PALM2AKAP2: variants seen among roughly 807,000 people sequenced by gnomAD.
PALM2AKAP2 encodes PALM2 and AKAP2 fusion.
A neutral mutation model predicts 71.5 loss-of-function variants in PALM2AKAP2; 37 were observed. The ratio of observed to expected loss-of-function variants is 0.52; its 90% CI spans 0.40 to 0.68. The LOEUF is 0.68. Among genes scored for constraint, PALM2AKAP2 ranks in the 30% least tolerant of loss-of-function variants. The pLI is 0.00. For synonymous variants in PALM2AKAP2, 468 were observed against 478.8 expected, an observed-to-expected ratio of 0.98 and a Z score of 0.29; for missense variants, 1,224 against 1,191.8, an observed-to-expected ratio of 1.03 and a Z score of -0.40.
intron 1 of PALM2AKAP2, among the ~76,000 whole-genome samples, chr9:109,864,353 C>T (rs897475647): frequency 1.3e-5 from 2 of 152,190 alleles, no homozygotes; most frequent in Non-Finnish European, 2.9e-5. Context: ...TCTTCTGGTC[C>T]GTGTGACTAA....
At chr9:110,005,678 T>C (rs193060038) in intron 6 of PALM2AKAP2, among the ~76,000 whole-genome samples, 245 of 152,318 alleles carry the variant, frequency 1.6e-3, no homozygotes, top group African/African-American at 5.5e-3. Context: ...CTCCACCCAG[T>C]TCAAGCTTCC....
rs970810402 is a variant in PALM2AKAP2 at position 109,908,143 on chromosome 9, G to A, written c.258-15592G>A. Among the ~76,000 whole-genome samples the A allele has an allele frequency of 2.6e-5, 4 of 152,182 alleles. No homozygotes were observed. The South Asian group carries it at 6.2e-4, about 24-fold the overall frequency. On this transcript the variant is annotated intron_variant, in intron 3 of 9. Coordinates refer to the PALM2AKAP2 transcript ENST00000302798. ...CACTGTGGATGCCATAGCAATACAT[G>A]CTGTTTCTGCTTTCATAGAGCAGTG...
chr9:109,829,708 C>T (rs539321944), intron 1 of PALM2AKAP2, among the ~76,000 whole-genome samples: 8 of 151,738 alleles, frequency 5.3e-5, no homozygotes, highest in East Asian at 1.9e-4. Flanking sequence ...TCATTTGAGG[C>T]GTGCTTATGC....
intron 1 of PALM2AKAP2, among the ~76,000 whole-genome samples, chr9:109,804,566 G>GT (rs1279346135): frequency 6.6e-6 from 1 of 152,124 alleles, no homozygotes; most frequent in African/African-American, 2.4e-5. Context: ...CTTTTTGGTA[G>GT]TTGAAGTTAA....
At position 110,076,330 on chromosome 9, in the gene PALM2AKAP2, T is replaced by C. The variant is rs534952881; in HGVS notation, c.156+27475T>C. Among the ~76,000 whole-genome samples, 4 of 151,990 alleles carry C rather than the reference T, an allele frequency of 2.6e-5. No individual in the cohort carries two copies. In the South Asian group the frequency reaches 8.3e-4, roughly 31 times the overall value. ...GTTGGTGATTTGATGGTTTCTAGTGTTTATCTTCATAAATAAGGCTGCAGT... is the reference window on the plus strand; with the variant it reads ...GTTGGTGATTTGATGGTTTCTAGTGCTTATCTTCATAAATAAGGCTGCAGT... On this transcript the variant is annotated intron_variant, in intron 1 of 3. Coordinates refer to ENST00000374525, the Ensembl canonical transcript of PALM2AKAP2.
chr9:109,690,991 A>G (rs1827874840), intron 1 of PALM2AKAP2, among the ~76,000 whole-genome samples: 1 of 152,194 alleles, frequency 6.6e-6, no homozygotes, highest in Non-Finnish European at 1.5e-5. Flanking sequence ...AGTGCCCTGT[A>G]AAGAAGCCTG....
rs147642644 is a variant in PALM2AKAP2 at position 110,141,562 on chromosome 9, G to A, written c.2569+3023G>A. Among the ~76,000 whole-genome samples, 289 of 152,282 alleles carry A rather than the reference G, an allele frequency of 1.9e-3. 1 individual carries two copies. Among genetic ancestry groups the A allele is most frequent in the Middle Eastern group, 0.014 (4 of 294 alleles). ...CTGGCCAACCTCCAAGTTCATGATC[G>A]GGGAGAAGGCTGACACGTGACTCTG... is the stretch of plus-strand genomic sequence containing the variant. On this transcript the variant is annotated intron_variant, in intron 2 of 3. Transcript: ENST00000374525.
At chr9:110,075,653 CATT>C (rs1167004767) in intron 1 of PALM2AKAP2, among the ~76,000 whole-genome samples, 1 of 151,842 alleles carries the variant, frequency 6.6e-6, no homozygotes, top group East Asian at 1.9e-4. Context: ...ATGCTTGTAA[CATT>C]ATTCTACAAT....
chr9:109,951,652 G>A (rs898141264), intron 6 of PALM2AKAP2, among the ~76,000 whole-genome samples: 1 of 152,186 alleles, frequency 6.6e-6, no homozygotes, highest in Non-Finnish European at 1.5e-5. Context: ...CAGTGTGGAA[G>A]CTTAGTCACA....
rs35302025 is a variant in PALM2AKAP2, at chr9:109,861,822, C to T, written c.46-5669C>T. On this transcript the variant is annotated intron_variant, in intron 1 of 9. Transcript: ENST00000302798. Reference sequence around the variant, plus strand: ...ATTAGGACACTTCTGGTTTTATGGACTGATGGCCAATGTGTTTTTAATAAT... The same window carrying T: ...ATTAGGACACTTCTGGTTTTATGGATTGATGGCCAATGTGTTTTTAATAAT... Among the ~76,000 whole-genome samples, 886 of 152,274 alleles carry T rather than the reference C, an allele frequency of 5.8e-3. 5 individuals carry two copies. Among genetic ancestry groups the T allele is most frequent in the Non-Finnish European group, 9.5e-3 (645 of 68,028 alleles).
intron 1 of PALM2AKAP2, among the ~76,000 whole-genome samples, chr9:109,798,822 T>C (rs1356226839): frequency 1.3e-5 from 2 of 152,250 alleles, no homozygotes; most frequent in African/African-American, 4.8e-5. Flanking sequence ...GGTATTATTT[T>C]CTGCATTTTA....
chr9:109,969,023 C>T (rs934075024), intron 6 of PALM2AKAP2, among the ~76,000 whole-genome samples: 1 of 151,964 alleles, frequency 6.6e-6, no homozygotes, highest in African/African-American at 2.4e-5. Flanking sequence ...AGAACAGCTG[C>T]AGGAATGTAA....
rs554604050 is a variant in PALM2AKAP2 at position 110,114,708 on chromosome 9, G to A, written c.157-21419G>A. On this transcript the variant is annotated intron_variant, in intron 1 of 3. Coordinates refer to ENST00000374525, the Ensembl canonical transcript of PALM2AKAP2. The stretch of plus-strand genomic sequence containing the variant: ...ATGGCAGCAAAACGGTCAACAGCAG[G>A]CAGCCCTGGGATCAAAGAGGGTCTC... Among the ~76,000 whole-genome samples, 6 of 152,302 alleles carry A rather than the reference G, an allele frequency of 3.9e-5. No homozygotes were observed. The South Asian group carries it at 1.2e-3, about 32-fold the overall frequency.
intron 6 of PALM2AKAP2, chr9:109,942,686 C>CTTTCTCT: frequency 6.4e-7 from 1 of 1,550,586 alleles, no homozygotes. Flanking sequence ...TTCATTCAAG[C>CTTTCTCT]TGTGTACGCC....
intron 1 of PALM2AKAP2, among the ~76,000 whole-genome samples, chr9:110,106,477 G>C (rs1260768785): frequency 1.3e-5 from 2 of 152,178 alleles, no homozygotes; most frequent in African/African-American, 4.8e-5. Flanking sequence ...TTGCTGGGGG[G>C]GATGTGTAAG....
intron 6 of PALM2AKAP2, among the ~76,000 whole-genome samples, chr9:109,952,089 G>C (rs529386185): frequency 1.6e-4 from 24 of 152,336 alleles, no homozygotes; most frequent in African/African-American, 5.8e-4. Context: ...TGGCCAGATA[G>C]TTTTGGCTTT....
intron 1 of PALM2AKAP2, among the ~76,000 whole-genome samples, chr9:110,135,443 A>G (rs1835841889): frequency 6.6e-6 from 1 of 151,522 alleles, no homozygotes; most frequent in Non-Finnish European, 1.5e-5. Context: ...GATATCACAT[A>G]TAAAGCAGTT....
chr9:109,880,432 A>G lies in PALM2AKAP2; in HGVS notation c.127-119A>G, dbSNP rs544247910. 1.2e-4 allele frequency: 168 copies of G among 1,436,350 alleles called. 4 individuals are homozygous for G. In the South Asian group the frequency reaches 2.3e-3, roughly 20 times the overall value. 89.0% of individuals were successfully genotyped at this position (1,436,350 alleles called of 1,614,324 possible). A position where few individuals can be genotyped will look rare whatever the true frequency, so the allele number is the denominator to read the frequency against. ...GGGAGCCATGTTAGTGAGGAGGTGA[A>G]GGCAGCGATTCAGGCAGCGCTGGTG... On this transcript the variant is annotated intron_variant, in intron 2 of 9. Coordinates refer to the PALM2AKAP2 transcript ENST00000302798.
chr9:109,650,719 C>A (rs946067413), intron 1 of PALM2AKAP2, among the ~76,000 whole-genome samples: 1 of 152,204 alleles, frequency 6.6e-6, no homozygotes, highest in African/African-American at 2.4e-5. Flanking sequence ...AGCCACCATA[C>A]CTAGCCTCAC....
Sources: allele counts gnomAD v4.1 joint callset (sites outside exome capture counted in the v4.1 genomes callset), GRCh38; gene constraint gnomAD v4.1.1; transcripts MANE v1.5; gene names NCBI Gene and HGNC (gene_info 2026-07-23, HGNC 2026-07-21).